Variants in CGN observed in about 807,000 individuals in gnomAD.
The protein encoded by CGN is cingulin.
A neutral mutation model predicts 157.1 loss-of-function variants in CGN; 121 were observed. The ratio of observed to expected loss-of-function variants is 0.77; its 90% CI spans 0.66 to 0.90. The LOEUF (loss-of-function observed/expected upper bound fraction) is 0.90. CGN is among the 40% of genes least tolerant of loss of function. CGN has a pLI of 0.00. For missense variants in CGN, 1,424 were observed against 1,520.9 expected (o/e 0.94, Z 1.06); for synonymous variants, 535 against 607.5 (o/e 0.88, Z 1.76).
At chr1:151,533,336 C>T (rs550396094) in intron 14 of CGN, among the ~76,000 whole-genome samples, 21 of 151,890 alleles carry the variant, frequency 1.4e-4, no homozygotes, top group Admixed American at 1.1e-3. Context: ...ATTAGCTGAG[C>T]GTGGTGGTGC....
intron 10 of CGN, among the ~76,000 whole-genome samples, chr1:151,528,959 A>G (rs895046690): frequency 1.3e-5 from 2 of 152,166 alleles, no homozygotes; most frequent in Admixed American, 6.5e-5. Context: ...AGGTTTGTCC[A>G]TGTGGTAGCA....
intron 1 of CGN, among the ~76,000 whole-genome samples, chr1:151,515,295 G>A (rs537998628): frequency 4.6e-4 from 70 of 152,130 alleles, no homozygotes; most frequent in African/African-American, 1.6e-3. Flanking sequence ...GAGCCACTGC[G>A]CCTGGCCTAA....
At position 151,518,724 on chromosome 1, in the gene CGN, A is replaced by G. The variant is rs1664468316; in HGVS notation, c.205A>G (p.Asn69Asp). Residue 69 changes from asparagine to aspartate, a missense_variant, in exon 2 of 21, where the codon AAC becomes GAC. Physicochemically the swap from Asn to Asp is conservative, Grantham distance 23 (BLOSUM62 1). Transcript: ENST00000271636. Reference sequence around the variant, plus strand: ...CGCTGGGCAGCCCTTTGTGGTGCTCAACAGTGGGGAGAAAGGCGGTGACTC... The same window carrying G: ...CGCTGGGCAGCCCTTTGTGGTGCTCGACAGTGGGGAGAAAGGCGGTGACTC... ...GIAGQPFVVL[N>D]SGEKGGDSFG... 4 of 1,613,992 alleles carry G rather than the reference A, an allele frequency of 2.5e-6. No homozygotes were observed. Among genetic ancestry groups the G allele is most frequent in the African/African-American group, 2.7e-5 (2 of 74,898 alleles).
Position 151,519,039 on chromosome 1 carries a change from C to T in CGN, c.520C>T (p.Pro174Ser). Residue 174 changes from proline to serine, a missense_variant, in exon 2 of 21, where the codon CCC becomes TCC. This residue lies in a region of CGN where 1,187 missense variants were observed against 1,217.6 expected (regional missense o/e 0.97). Coordinates refer to ENST00000271636, the MANE Select transcript of CGN (RefSeq NM_020770.3). ...ASPGSTIDTA[P>S]LSSVDSLINK... Reference sequence around the variant, plus strand: ...CCCAGGTAGCACCATTGACACTGCTCCCCTGTCTTCAGTGGACTCACTCAT... The same window carrying T: ...CCCAGGTAGCACCATTGACACTGCTTCCCTGTCTTCAGTGGACTCACTCAT... The T allele has an allele frequency of 6.2e-7, 1 of 1,614,184 alleles. No homozygotes were observed. Among genetic ancestry groups the T allele is most frequent in the Non-Finnish European group, 8.5e-7 (1 of 1,180,048 alleles).
chr1:151,521,308 A>T (rs994823795), intron 5 of CGN, among the ~76,000 whole-genome samples: 2 of 152,188 alleles, frequency 1.3e-5, no homozygotes, highest in Admixed American at 1.3e-4. Flanking sequence ...TAAATGTTGG[A>T]TTGTAACTTC....
chr1:151,512,591 G>A (rs1335554306), intron 1 of CGN, among the ~76,000 whole-genome samples: 2 of 152,172 alleles, frequency 1.3e-5, no homozygotes, highest in Non-Finnish European at 2.9e-5. Context: ...TGCACCTTGG[G>A]GCCCAGACAA....
At position 151,532,570 on chromosome 1, in the gene CGN, G is replaced by C. The variant is rs768835278; in HGVS notation, c.2740G>C (p.Glu914Gln). ...TSGGLSRLQD[E>Q]IQRLRQALQA... ...TGGAGGACTGAGCCGACTTCAGGATGAGGTAGAAGTCTAATATCCTTGGGT... is the reference window on the plus strand; with the variant it reads ...TGGAGGACTGAGCCGACTTCAGGATCAGGTAGAAGTCTAATATCCTTGGGT... Residue 914 changes from glutamate (E) to glutamine (Q), a missense_variant and splice_region_variant, in exon 14 of 21, where the codon GAG becomes CAG. Transcript: ENST00000271636. 1 of 1,488,718 alleles carries C rather than the reference G, an allele frequency of 6.7e-7. No individual in the cohort carries two copies. Among genetic ancestry groups the C allele is most frequent in the Non-Finnish European group, 9.0e-7 (1 of 1,115,564 alleles). The allele number at this position is 1,488,718 out of a possible 1,614,324, so 92.2% of individuals were successfully genotyped here. A position where few individuals can be genotyped will look rare whatever the true frequency, so the allele number is the denominator to read the frequency against.
At position 151,518,948 on chromosome 1, in the gene CGN, C is replaced by T. The variant is rs1182120431; in HGVS notation, c.429C>T (p.Gly143=). Reference sequence around the variant, plus strand: ...CCCACTCCCAGGCCTCACTGGCAGGCCCTGGCCCAGTGGATCCTAGTAACA... The same window carrying T: ...CCCACTCCCAGGCCTCACTGGCAGGTCCTGGCCCAGTGGATCCTAGTAACA... ...LRSHSQASLA[G]PGPVDPSNRS... is the part of the protein sequence containing the mutation. Residue 143 remains glycine (G), a synonymous_variant, in exon 2 of 21, where the codon GGC becomes GGT. Coordinates refer to ENST00000271636, the MANE Select transcript of CGN (RefSeq NM_020770.3). 7 of 1,614,118 alleles carry T rather than the reference C, an allele frequency of 4.3e-6. No homozygotes were observed. The highest frequency in any genetic ancestry group is 1.1e-5 in the South Asian group (1 of 91,082).
chr1:151,534,991 G>A (rs1437819345), intron 15 of CGN, 51 bp from the exon 16 acceptor site: 9 of 1,330,066 alleles, frequency 6.8e-6, no homozygotes. Flanking sequence ...TCTGAGTTTG[G>A]CATTCTGGTG....
Position 151,518,945 on chromosome 1 carries a change from A to G in CGN, c.426A>G (p.Ala142=). 1.2e-6 allele frequency: 2 copies of G among 1,614,186 alleles called. No individual in the cohort carries two copies. The highest frequency in any genetic ancestry group is 8.5e-7 in the Non-Finnish European group (1 of 1,180,020). The change falls in exon 2 of 21, where the codon GCA becomes GCG. Residue 142 remains alanine, a synonymous_variant. Coordinates refer to ENST00000271636, the MANE Select transcript of CGN (RefSeq NM_020770.3). The part of the protein sequence containing the change: ...LLRSHSQASL[A]GPGPVDPSNR... ...GTTCCCACTCCCAGGCCTCACTGGC[A>G]GGCCCTGGCCCAGTGGATCCTAGTA...
rs1664621567 is a variant in CGN at position 151,524,491 on chromosome 1, A to G, written c.1401+133A>G. On this transcript the variant is annotated intron_variant, in intron 7 of 20. Transcript: ENST00000271636. This position sits in a 1 kb window ranked among gnomAD's most constrained non-coding sequence, Gnocchi z 4.4. ...ACAGGTACTCAGTGTGCTTTCAGGT[A>G]GATTCAATGGTGTGTTGGGACTAGA... is the stretch of plus-strand genomic sequence containing the variant. 2.2e-6 allele frequency: 3 copies of G among 1,378,598 alleles called. No homozygotes were observed. Among genetic ancestry groups the G allele is most frequent in the Admixed American group, 2.3e-5 (1 of 43,042 alleles). 85.4% of individuals were successfully genotyped at this position (1,378,598 alleles called of 1,614,324 possible).
chr1:151,517,584 C>T (rs1426098009), intron 1 of CGN, among the ~76,000 whole-genome samples: 2 of 150,766 alleles, frequency 1.3e-5, no homozygotes, highest in Non-Finnish European at 1.5e-5. Context: ...AATCTCGGCT[C>T]ACTGCAACCT....
chr1:151,531,356 A>G (rs1177875086), intron 13 of CGN, among the ~76,000 whole-genome samples: 1 of 152,230 alleles, frequency 6.6e-6, no homozygotes, highest in African/African-American at 2.4e-5. Context: ...AAGAATCTTC[A>G]ATGGCCAGCT....
chr1:151,535,771 C>T lies in CGN; in HGVS notation c.3079-9C>T, dbSNP rs762671239. The T allele has an allele frequency of 6.2e-7, 1 of 1,612,854 alleles. No individual in the cohort carries two copies. Among genetic ancestry groups the T allele is most frequent in the Non-Finnish European group, 8.5e-7 (1 of 1,178,840 alleles). ...AGTGCTAACTGTGGAGGCTTCCTGT[C>T]CCTCTCAGAACAAGGACCTGAAGAC... is the stretch of plus-strand genomic sequence containing the variant. On this transcript the variant is annotated splice_polypyrimidine_tract_variant and intron_variant, in intron 17 of 20. Coordinates refer to ENST00000271636, the MANE Select transcript of CGN (RefSeq NM_020770.3).
Position 151,518,856 on chromosome 1 carries a change from G to A in CGN, c.337G>A (p.Ala113Thr). The A allele has an allele frequency of 1.2e-6, 2 of 1,613,896 alleles. No homozygotes were observed. The highest frequency in any genetic ancestry group is 1.7e-6 in the Non-Finnish European group (2 of 1,179,894). ...CTACTCTCAGGTCAAGGGATTTCCT[G>A]CCCCCTCGCAGAGCAGCACATCTGA... Reference protein sequence around the residue: ...NPYSQVKGFPAPSQSSTSDEE... With the variant: ...NPYSQVKGFPTPSQSSTSDEE... Residue 113 changes from alanine (A) to threonine (T), a missense_variant, in exon 2 of 21, where the codon GCC (alanine) becomes ACC (threonine). Around this residue, in one of 3 missense-constraint regions of CGN, gnomAD observed 1,187 missense variants for 1,217.6 expected, o/e 0.97. Transcript: ENST00000271636.
chr1:151,518,233 C>T (rs1408863096), intron 1 of CGN, among the ~76,000 whole-genome samples: 1 of 152,154 alleles, frequency 6.6e-6, no homozygotes, highest in Admixed American at 6.5e-5. Flanking sequence ...TAGTGAGTCT[C>T]AAAGTGTGGT....
intron 13 of CGN, 44 bp downstream of exon 13, chr1:151,530,790 C>T (rs2102500157): frequency 4.5e-6 from 7 of 1,546,086 alleles, no homozygotes; most frequent in Non-Finnish European, 6.1e-6. Flanking sequence ...AGGCCCAGCT[C>T]ATCCAGAAGC....
At position 151,524,243 on chromosome 1, in the gene CGN, G is replaced by A. The variant is rs761721175; in HGVS notation, c.1286G>A (p.Arg429His). 3.2e-5 allele frequency: 51 copies of A among 1,613,894 alleles called. No individual in the cohort carries two copies. The highest frequency in any genetic ancestry group is 3.3e-4 in the Middle Eastern group (2 of 6,084). The change falls in exon 7 of 21, where the codon CGC (arginine) becomes CAC (histidine). Residue 429 changes from arginine to histidine, a missense_variant. Around this residue, in one of 3 missense-constraint regions of CGN, gnomAD observed 1,187 missense variants for 1,217.6 expected, o/e 0.97. Coordinates refer to ENST00000271636, the MANE Select transcript of CGN (RefSeq NM_020770.3). The surrounding 1 kb of genome is among the most constrained non-coding windows in gnomAD (Gnocchi z 4.4). The part of the protein sequence containing the change: ...QSNKELQNMK[R>H]LLDQGEDLRH... ...ATTATTAGGCTCCAGAACATGAAGC[G>A]CCTCTTGGACCAGGGTGAAGATTTA...
chr1:151,528,337 T>C (rs996595998), intron 10 of CGN, among the ~76,000 whole-genome samples: 7 of 151,976 alleles, frequency 4.6e-5, no homozygotes, highest in African/African-American at 1.7e-4. Context: ...TACCTTCATG[T>C]ACTCTCCCTT....
Sources: allele counts gnomAD v4.1 joint callset (sites outside exome capture counted in the v4.1 genomes callset), GRCh38; gene constraint gnomAD v4.1.1; regional missense constraint gnomAD v4.1.1; non-coding constraint Gnocchi (gnomAD v3.1); transcripts MANE v1.5; gene names NCBI Gene and HGNC (gene_info 2026-07-23, HGNC 2026-07-21).